The following FBLN1 variants were observed in gnomAD, a reference collection of about 807,000 sequenced individuals.
FBLN1 encodes fibulin 1.
FBLN1 carries 34 observed loss-of-function variants against 89.7 expected under a neutral mutation model. The ratio of observed to expected loss-of-function variants is 0.38; its 90% CI spans 0.29 to 0.50. The LOEUF (loss-of-function observed/expected upper bound fraction) is 0.50, where lower values mean the gene tolerates loss of function less well. Ranked by LOEUF, FBLN1 falls within the 20% of genes least tolerant of loss-of-function variation. The probability of loss-of-function intolerance (pLI) is 0.92; values close to 1 mark genes in which losing one functional copy is unlikely to be tolerated. For synonymous variants in FBLN1, 393 were observed against 391.3 expected (o/e 1.00, Z -0.05); for missense variants, 777 against 988.1 (o/e 0.79, Z 2.86).
chr22:45,562,777 T>C lies in FBLN1; in HGVS notation c.1698-11734T>C. The C allele has an allele frequency of 2.3e-6, 2 of 863,192 alleles. No individual in the cohort carries two copies. The highest frequency in any genetic ancestry group is 3.9e-6 in the Non-Finnish European group (2 of 512,152). The allele number at this position is 863,192 out of a possible 1,614,324, so 53.5% of individuals were successfully genotyped here. A position where few individuals can be genotyped will look rare whatever the true frequency, so the allele number is the denominator to read the frequency against. ...CCCGCAGGTGAGTGAGGTGTGCCCT[T>C]CGTGTTGGCTGAATCGGCCAGAGGG... On this transcript the variant is annotated intron_variant, in intron 14 of 16. Transcript: ENST00000327858. This position sits in a 1 kb window ranked among gnomAD's most constrained non-coding sequence, Gnocchi z 7.8.
rs780930115 is a variant in FBLN1, at chr22:45,541,379, A to G, written c.1066+7A>G. On this transcript the variant is annotated splice_region_variant and intron_variant, in intron 9 of 16. Transcript: ENST00000327858. ...GAGGGAACGCGCTGTGTTGGTTGGT[A>G]TTAAGAAAACAAATCTGAAATCCAC... The G allele has an allele frequency of 1.2e-6, 2 of 1,614,084 alleles. No individual in the cohort carries two copies. Among genetic ancestry groups the G allele is most frequent in the Non-Finnish European group, 1.7e-6 (2 of 1,180,032 alleles).
At chr22:45,559,845 C>T (rs1373990031) in intron 14 of FBLN1, among the ~76,000 whole-genome samples, 1 of 152,226 alleles carries the variant, frequency 6.6e-6, no homozygotes, top group Non-Finnish European at 1.5e-5. Flanking sequence ...GAAAGATTCA[C>T]TGCATAAATT....
At chr22:45,525,357 G>A (rs2088311525) in intron 2 of FBLN1, among the ~76,000 whole-genome samples, 186 bp from the exon 3 acceptor site, 1 of 152,208 alleles carries the variant, frequency 6.6e-6, no homozygotes, top group Non-Finnish European at 1.5e-5. Context: ...GCCCGGCCAA[G>A]CCTTTCTAAC....
At chr22:45,570,181 A>G (rs561162643) in intron 14 of FBLN1, among the ~76,000 whole-genome samples, 1 of 151,406 alleles carries the variant, frequency 6.6e-6, no homozygotes, top group South Asian at 2.1e-4. Context: ...TTAGCCAGGC[A>G]TGGTGGCAGG....
At chr22:45,570,953 C>T (rs546061667) in intron 14 of FBLN1, among the ~76,000 whole-genome samples, 3 of 151,664 alleles carry the variant, frequency 2.0e-5, no homozygotes, top group Admixed American at 6.6e-5. Context: ...GGTGAAACCC[C>T]GTATCTACTA....
At chr22:45,568,128 G>T (rs1032807108) in intron 14 of FBLN1, among the ~76,000 whole-genome samples, 1 of 152,368 alleles carries the variant, frequency 6.6e-6, no homozygotes, top group Non-Finnish European at 1.5e-5. Flanking sequence ...AAATGTGGAA[G>T]AATGTCAGGA....
Position 45,576,389 on chromosome 22 carries a change from A to G in FBLN1, c.1841-588A>G, listed in dbSNP as rs1415353752. On this transcript the variant is annotated intron_variant, in intron 15 of 16. Coordinates refer to ENST00000327858, the MANE Select transcript of FBLN1 (RefSeq NM_006486.3). This position sits in a 1 kb window ranked among gnomAD's most constrained non-coding sequence, Gnocchi z 5.2. ...CACCCTGACCTTAAGTGCTGAAAGG[A>G]CCTTTAGTGGGTCTCCGCCGGCTTC... is the stretch of plus-strand genomic sequence containing the variant. Among the ~76,000 whole-genome samples, 1 of 151,906 alleles carries G rather than the reference A, an allele frequency of 6.6e-6. No homozygotes were observed. Among genetic ancestry groups the G allele is most frequent in the Non-Finnish European group, 1.5e-5 (1 of 67,982 alleles).
rs960759736 is a variant in FBLN1 at position 45,562,477 on chromosome 22, C to T, written c.1697+11862C>T. ...GAGGAAGAGCTGAGCACTTGGTAAA[C>T]GGCAGCAGCTCTGATTGCTAGTGGC... On this transcript the variant is annotated intron_variant, in intron 14 of 16. Transcript: ENST00000327858. The surrounding 1 kb of genome is among the most constrained non-coding windows in gnomAD (Gnocchi z 7.8). Among the ~76,000 whole-genome samples the T allele has an allele frequency of 3.3e-5, 5 of 152,296 alleles. No homozygotes were observed. Among genetic ancestry groups the T allele is most frequent in the South Asian group, 2.1e-4 (1 of 4,816 alleles).
intron 1 of FBLN1, among the ~76,000 whole-genome samples, chr22:45,508,288 T>TTTTTTTTTTTTTTC (rs2088051419): frequency 6.8e-6 from 1 of 147,756 alleles, no homozygotes; most frequent in South Asian, 2.2e-4. Flanking sequence ...TCGCGTATCT[T>TTTTTTTTTTTTTTC]TTTTTTTGAG....
rs539668694 is a variant in FBLN1, at chr22:45,588,839, T to C, written c.1973-11468T>C. On this transcript the variant is annotated intron_variant, in intron 16 of 16. Coordinates refer to ENST00000327858, the MANE Select transcript of FBLN1 (RefSeq NM_006486.3). The surrounding 1 kb of genome is among the most constrained non-coding windows in gnomAD (Gnocchi z 5.1). ...AAAAAAAAAAAAAAAGGAATGACGA[T>C]GATATGAATCTTTTGGCGGCCTCTC... Among the ~76,000 whole-genome samples, 1 of 148,564 alleles carries C rather than the reference T, an allele frequency of 6.7e-6. No individual in the cohort carries two copies. The highest frequency in any genetic ancestry group is 2.1e-4 in the South Asian group (1 of 4,726).
intron 1 of FBLN1, chr22:45,503,299 A>C: frequency 3.0e-5 from 8 of 271,124 alleles, no homozygotes; most frequent in East Asian, 1.2e-4. Flanking sequence ...CCACCCCTCA[A>C]ACACACCGTC....
chr22:45,551,977 T>A (rs1314765139), intron 14 of FBLN1, among the ~76,000 whole-genome samples: 3 of 152,108 alleles, frequency 2.0e-5, no homozygotes, highest in Non-Finnish European at 4.4e-5. Context: ...CTCCTAAGCC[T>A]GAGGGTGGGC....
chr22:45,506,017 C>T lies in FBLN1; in HGVS notation c.79+2953C>T, dbSNP rs531778295. On this transcript the variant is annotated intron_variant, in intron 1 of 16. Coordinates refer to ENST00000327858, the MANE Select transcript of FBLN1 (RefSeq NM_006486.3). Reference sequence around the variant, plus strand: ...CTCCTGACCTCAGGTGATCCACCTACCTCGGCCTCCCAAAGTGCTGGAATT... The same window carrying T: ...CTCCTGACCTCAGGTGATCCACCTATCTCGGCCTCCCAAAGTGCTGGAATT... 3.1e-4 allele frequency among the ~76,000 whole-genome samples: 47 copies of T among 152,348 alleles called. 1 individual carries two copies. In the South Asian group the frequency reaches 9.3e-3, roughly 30 times the overall value.
intron 11 of FBLN1, among the ~76,000 whole-genome samples, chr22:45,546,171 C>T (rs1379984210): frequency 1.1e-5 from 1 of 94,960 alleles, no homozygotes; most frequent in Admixed American, 1.2e-4. Flanking sequence ...CAGACAAAGA[C>T]TTTGTCTCAA....
At chr22:45,548,922 C>T (rs533542769) in intron 13 of FBLN1, among the ~76,000 whole-genome samples, 178 bp downstream of exon 13, 2 of 152,306 alleles carry the variant, frequency 1.3e-5, no homozygotes, top group South Asian at 4.1e-4. Flanking sequence ...GTCTGCAGCA[C>T]CCTGGTCTCC....
At chr22:45,594,118 G>A (rs2089162774) in intron 16 of FBLN1, among the ~76,000 whole-genome samples, 1 of 151,166 alleles carries the variant, frequency 6.6e-6, no homozygotes, top group East Asian at 1.9e-4. Flanking sequence ...GGATCAAGTG[G>A]ATGGATGGAA....
At chr22:45,554,044 G>C (rs1324418465) in intron 14 of FBLN1, among the ~76,000 whole-genome samples, 1 of 152,220 alleles carries the variant, frequency 6.6e-6, no homozygotes, top group African/African-American at 2.4e-5. Context: ...TTTGAAGTAA[G>C]ACAGGCCGAC....
Position 45,583,714 on chromosome 22 carries a change from A to G in FBLN1, c.1972+6606A>G, listed in dbSNP as rs1210019268. Among the ~76,000 whole-genome samples, 1 of 152,210 alleles carries G rather than the reference A, an allele frequency of 6.6e-6. No homozygotes were observed. Among genetic ancestry groups the G allele is most frequent in the South Asian group, 2.1e-4 (1 of 4,832 alleles). On this transcript the variant is annotated intron_variant, in intron 16 of 16. Coordinates refer to ENST00000327858, the MANE Select transcript of FBLN1 (RefSeq NM_006486.3). The surrounding 1 kb of genome is among the most constrained non-coding windows in gnomAD (Gnocchi z 4.5). ...AACACAGGAAGTAACAGAAGCAGCT[A>G]GTTACTCACAGGTCCTAGAGAGGTG... is the stretch of plus-strand genomic sequence containing the variant.
chr22:45,536,879 A>G lies in FBLN1; in HGVS notation c.922+1542A>G, dbSNP rs1355061848. Among the ~76,000 whole-genome samples the G allele has an allele frequency of 6.6e-6, 1 of 152,226 alleles. No homozygotes were observed. The highest frequency in any genetic ancestry group is 1.5e-5 in the Non-Finnish European group (1 of 68,032). On this transcript the variant is annotated intron_variant, in intron 8 of 16. Coordinates refer to ENST00000327858, the MANE Select transcript of FBLN1 (RefSeq NM_006486.3). The surrounding 1 kb of genome is among the most constrained non-coding windows in gnomAD (Gnocchi z 5.1). ...AGGCCTGGGCAAGACCGCTCACGCT[A>G]GAGGAGCTGTGTGGGGTGCGGCCGG...
Sources: gnomAD v4.1 joint callset for allele counts (sites outside exome capture counted in the v4.1 genomes callset) on GRCh38, gnomAD v4.1.1 for gene constraint, Gnocchi (gnomAD v3.1) non-coding constraint, MANE v1.5 for transcripts, NCBI Gene and HGNC (gene_info 2026-07-23, HGNC 2026-07-21) for gene names.